Variants in RASSF2 observed in about 807,000 individuals in gnomAD.
RASSF2 encodes the protein Ras association domain family member 2, also known as ras association domain-containing protein 2.
In RASSF2, 34 loss-of-function variants were observed where a neutral mutation model predicts 46.3. The observed-to-expected ratio is 0.73, with a 90% confidence interval of 0.56 to 0.98. The LOEUF (loss-of-function observed/expected upper bound fraction) is 0.98. RASSF2 is among the 50% of genes least tolerant of loss of function. The pLI, the probability that RASSF2 is intolerant of heterozygous loss-of-function variation, is 0.00. For missense variants in RASSF2, 364 were observed against 431.2 expected (o/e 0.84, Z 1.38); for synonymous variants, 158 against 162.5 (o/e 0.97, Z 0.21).
chr20:4,792,632 G>T lies in RASSF2; in HGVS notation c.288-5C>A. On this transcript the variant is annotated splice_polypyrimidine_tract_variant and splice_region_variant and intron_variant, in intron 5 of 11. Coordinates refer to ENST00000379400, the MANE Select transcript of RASSF2 (RefSeq NM_014737.3). ...GTCAGGGGCTTCAGAGTGGTTCTGGGAGTGGAGAAGACAAAGGGGAGGGGG... is the reference window on the plus strand; with the variant it reads ...GTCAGGGGCTTCAGAGTGGTTCTGGTAGTGGAGAAGACAAAGGGGAGGGGG... The T allele has an allele frequency of 6.2e-7, 1 of 1,613,552 alleles. No homozygotes were observed. The highest frequency in any genetic ancestry group is 1.7e-4 in the Middle Eastern group (1 of 6,054).
intron 2 of RASSF2, among the ~76,000 whole-genome samples, chr20:4,803,470 T>A (rs1008432516): frequency 1.3e-4 from 20 of 152,172 alleles, no homozygotes; most frequent in Non-Finnish European, 2.1e-4. Context: ...TCAATTAGCG[T>A]TGGCCAGGCA....
intron 8 of RASSF2, 81 bp from the exon 9 acceptor site, chr20:4,788,349 T>C (rs1925551119): frequency 1.8e-5 from 24 of 1,340,152 alleles, no homozygotes; most frequent in Non-Finnish European, 2.4e-5. Flanking sequence ...TCTTTAGCAA[T>C]GCAAAGCTAA....
chr20:4,794,945 C>T (rs1926209688), intron 5 of RASSF2, among the ~76,000 whole-genome samples: 1 of 152,122 alleles, frequency 6.6e-6, no homozygotes. Flanking sequence ...GCAAAATGTT[C>T]AATGTGGCCA....
intron 11 of RASSF2, 34 bp from the exon 12 acceptor site, chr20:4,784,376 G>A: frequency 6.3e-6 from 10 of 1,598,472 alleles, no homozygotes; most frequent in Non-Finnish European, 8.6e-6. Context: ...ATGGAGAGCA[G>A]CCAGCAACAC....
chr20:4,807,498 C>A (rs1323352290), intron 2 of RASSF2, among the ~76,000 whole-genome samples: 1 of 152,152 alleles, frequency 6.6e-6, no homozygotes, highest in South Asian at 2.1e-4. Flanking sequence ...GCAAAGGACA[C>A]GCACAGTAGT....
Position 4,788,236 on chromosome 20 carries a change from G to A in RASSF2, c.672C>T (p.Tyr224=), listed in dbSNP as rs559942126. Residue 224 remains tyrosine, a synonymous_variant, in exon 9 of 12, where the codon TAC becomes TAT. Transcript: ENST00000379400. The part of the protein sequence containing the change: ...IENSAEEFAL[Y]VVHTSGEKQK... ...ACTTACCACCACTCGTATGGACCAC[G>A]TACAAGGCAAACTCCTCTGCTGAAT... is the stretch of plus-strand genomic sequence containing the variant. 1.0e-5 allele frequency: 16 copies of A among 1,606,684 alleles called. No individual in the cohort carries two copies. Among genetic ancestry groups the A allele is most frequent in the Admixed American group, 5.0e-5 (3 of 60,010 alleles).
intron 11 of RASSF2, among the ~76,000 whole-genome samples, chr20:4,784,898 G>A (rs547847901): frequency 3.3e-5 from 5 of 152,180 alleles, no homozygotes; most frequent in African/African-American, 9.7e-5. Context: ...GTTTTCCCAC[G>A]ACTTCCCTGA....
rs376864949 is a variant in RASSF2 at position 4,805,250 on chromosome 20, C to A, written c.-32-4188G>T. Among the ~76,000 whole-genome samples the A allele has an allele frequency of 5.3e-5, 8 of 152,074 alleles. No homozygotes were observed. In the South Asian group the frequency reaches 1.7e-3, roughly 32 times the overall value. Reference sequence around the variant, plus strand: ...AGACTATCCTGGATTATCTGGGGGGCCCTAAATGTAACCACCAGTGTCCTT... The same window carrying A: ...AGACTATCCTGGATTATCTGGGGGGACCTAAATGTAACCACCAGTGTCCTT... On this transcript the variant is annotated intron_variant, in intron 2 of 11. Transcript: ENST00000379400.
chr20:4,802,122 A>C (rs1926921263), intron 2 of RASSF2, among the ~76,000 whole-genome samples: 1 of 152,006 alleles, frequency 6.6e-6, no homozygotes, highest in Non-Finnish European at 1.5e-5. Flanking sequence ...CTGGGCTGGG[A>C]GTGCAGTGGC....
chr20:4,811,165 T>G (rs1211773170), intron 2 of RASSF2, among the ~76,000 whole-genome samples: 1 of 151,984 alleles, frequency 6.6e-6, no homozygotes, highest in African/African-American at 2.4e-5. Flanking sequence ...TGGGCAACAT[T>G]GTGAGACCCC....
chr20:4,792,800 G>C (rs1311008825), intron 5 of RASSF2, among the ~76,000 whole-genome samples, 173 bp from the exon 6 acceptor site: 1 of 152,194 alleles, frequency 6.6e-6, no homozygotes, highest in African/African-American at 2.4e-5. Context: ...GGAGCATCCC[G>C]TGAAAGGCTG....
In RASSF2 at chr20:4,790,587, T is replaced by A. The variant is rs115997245; in HGVS notation, c.401A>T (p.Gln134Leu). 1.7e-3 allele frequency: 2,618 copies of A among 1,529,744 alleles called. 42 individuals are homozygous for A. In the African/African-American group the frequency reaches 0.035, roughly 20 times the overall value. The allele number at this position is 1,529,744 out of a possible 1,614,324, so 94.8% of individuals were successfully genotyped here. ...STDSRGLKPLQEDTPQLMRTR... is the reference protein window; with the variant it reads ...STDSRGLKPLLEDTPQLMRTR... ...GCGCATCAGCTGTGGGGTGTCCTCC[T>A]GCAGGGGCTTCAGGCCCCTGGAGTC... The change falls in exon 7 of 12, where the codon CAG becomes CTG. Residue 134 changes from glutamine to leucine, a missense_variant. Transcript: ENST00000379400. The surrounding 1 kb of genome is among the most constrained non-coding windows in gnomAD (Gnocchi z 4.3).
At chr20:4,811,454 C>A (rs1437864922) in intron 2 of RASSF2, among the ~76,000 whole-genome samples, 1 of 152,126 alleles carries the variant, frequency 6.6e-6, no homozygotes, top group African/African-American at 2.4e-5. Context: ...TCAAAGCCTC[C>A]CCAGGTCATG....
intron 1 of RASSF2, among the ~76,000 whole-genome samples, chr20:4,823,077 A>C (rs568132696): frequency 6.6e-6 from 1 of 152,260 alleles, no homozygotes; most frequent in Non-Finnish European, 1.5e-5. Context: ...CCGCGCCTAC[A>C]CGGCCCCTGG....
intron 2 of RASSF2, among the ~76,000 whole-genome samples, chr20:4,814,238 T>C (rs1317861749): frequency 1.3e-5 from 2 of 152,150 alleles, no homozygotes; most frequent in Non-Finnish European, 2.9e-5. Context: ...CATCTGAGGG[T>C]TCGTCTCCCA....
chr20:4,816,694 C>G (rs1928335902), intron 2 of RASSF2, among the ~76,000 whole-genome samples: 1 of 152,178 alleles, frequency 6.6e-6, no homozygotes, highest in African/African-American at 2.4e-5. Context: ...CGAAATCTCG[C>G]AAACCTCCAC....
intron 2 of RASSF2, among the ~76,000 whole-genome samples, chr20:4,818,691 C>T (rs1928493198): frequency 6.6e-6 from 1 of 152,194 alleles, no homozygotes; most frequent in Admixed American, 6.5e-5. Flanking sequence ...CTGGTCACAA[C>T]CTAGGAATAC....
chr20:4,818,707 A>G (rs771622861), intron 2 of RASSF2, among the ~76,000 whole-genome samples: 5 of 152,204 alleles, frequency 3.3e-5, no homozygotes, highest in African/African-American at 4.8e-5. Flanking sequence ...AATACAAACC[A>G]TGTGCAGGTG....
intron 2 of RASSF2, among the ~76,000 whole-genome samples, chr20:4,813,681 AAAAGGAAGCAT>A (rs1461869171): frequency 1.3e-5 from 2 of 152,224 alleles, no homozygotes; most frequent in African/African-American, 4.8e-5. Flanking sequence ...AGCGGGACGA[AAAAGGAAGCAT>A]AAAGGAAGCA....
Sources: allele counts gnomAD v4.1 joint callset (sites outside exome capture counted in the v4.1 genomes callset), GRCh38; gene constraint gnomAD v4.1.1; non-coding constraint Gnocchi (gnomAD v3.1); transcripts MANE v1.5; gene names NCBI Gene and HGNC (gene_info 2026-07-23, HGNC 2026-07-21).